The following TMEFF2 variants were observed in gnomAD, a reference collection of about 807,000 sequenced individuals.
The protein encoded by TMEFF2 is transmembrane protein with EGF like and two follistatin like domains 2.
In TMEFF2, 28 loss-of-function variants were observed where a neutral mutation model predicts 53.8. The ratio of observed to expected loss-of-function variants is 0.52; its 90% confidence interval spans 0.39 to 0.71. The LOEUF (loss-of-function observed/expected upper bound fraction) is 0.71, where lower values mean the gene tolerates loss of function less well. Ranked by LOEUF, TMEFF2 falls within the 30% of genes least tolerant of loss-of-function variation. The pLI, the probability that TMEFF2 is intolerant of heterozygous loss-of-function variation, is 0.00. For synonymous variants in TMEFF2, 162 were observed against 166.3 expected (o/e 0.97, Z 0.20); for missense variants, 353 against 455.2 (o/e 0.78, Z 2.04).
intron 4 of TMEFF2, among the ~76,000 whole-genome samples, chr2:192,159,467 C>T (rs546726098): frequency 4.6e-5 from 7 of 152,190 alleles, no homozygotes; most frequent in South Asian, 2.1e-4. Context: ...GAACTGAATG[C>T]GCTAGTTTTG....
intron 7 of TMEFF2, among the ~76,000 whole-genome samples, chr2:191,977,157 A>G (rs1363471303): frequency 6.6e-6 from 1 of 152,252 alleles, no homozygotes; most frequent in Non-Finnish European, 1.5e-5. Context: ...AGCCAAAGAC[A>G]AAAGCAGAAG....
At chr2:192,038,412 A>T (rs1268135547) in intron 5 of TMEFF2, among the ~76,000 whole-genome samples, 1 of 152,220 alleles carries the variant, frequency 6.6e-6, no homozygotes, top group Non-Finnish European at 1.5e-5. Flanking sequence ...TGTAGTGCAC[A>T]AAGTAAGCAC....
At chr2:192,168,288 A>G (rs1574430646) in intron 4 of TMEFF2, among the ~76,000 whole-genome samples, 1 of 152,094 alleles carries the variant, frequency 6.6e-6, no homozygotes, top group East Asian at 1.9e-4. Context: ...TAAATTTACT[A>G]TCATTATAAC....
intron 2 of TMEFF2, among the ~76,000 whole-genome samples, chr2:192,188,830 TCTATCTATCTATCTA>T (rs1559164497): frequency 0.026 from 3,630 of 139,378 alleles, 97 homozygotes; most frequent in African/African-American, 0.029. Context: ...CGCTTTTCTA[TCTATCTATCTATCTA>T]TCTATCTATC....
intron 5 of TMEFF2, among the ~76,000 whole-genome samples, chr2:192,038,212 C>T (rs548840104): frequency 6.6e-6 from 1 of 152,180 alleles, no homozygotes; most frequent in Non-Finnish European, 1.5e-5. Context: ...GTTGACAGAA[C>T]AGGTAAGAGT....
intron 4 of TMEFF2, among the ~76,000 whole-genome samples, chr2:192,073,101 A>C (rs1688328664): frequency 1.3e-5 from 2 of 151,986 alleles, no homozygotes. Context: ...CTTTACTCTT[A>C]AGAGGGTCAG....
intron 5 of TMEFF2, among the ~76,000 whole-genome samples, chr2:192,047,807 GTGTC>G (rs746093723): frequency 6.6e-6 from 1 of 152,140 alleles, no homozygotes; most frequent in Non-Finnish European, 1.5e-5. Context: ...GTAGGGAAAT[GTGTC>G]TGGAACAGAC....
Position 192,194,420 on chromosome 2 carries a change from C to A in TMEFF2, c.105G>T (p.Pro35=), listed in dbSNP as rs1691553572. Residue 35 remains proline (P), a synonymous_variant, in exon 1 of 10, where the codon CCG becomes CCT. Coordinates refer to ENST00000272771, the MANE Select transcript of TMEFF2 (RefSeq NM_016192.4). The surrounding 1 kb of genome is among the most constrained non-coding windows in gnomAD (Gnocchi z 4.2). ...LPVMLLIVAR[P]VKLAAFPTSL... ...AGGTAGGGAAAGCAGCGAGCTTCAC[C>A]GGGCGGGCTACGATGAGTAGCATGA... 6.2e-7 allele frequency: 1 copy of A among 1,614,068 alleles called. No homozygotes were observed. The highest frequency in any genetic ancestry group is 8.5e-7 in the Non-Finnish European group (1 of 1,180,008).
At chr2:191,965,409 G>GT (rs1245819542) in intron 7 of TMEFF2, among the ~76,000 whole-genome samples, 1 of 152,068 alleles carries the variant, frequency 6.6e-6, no homozygotes, top group African/African-American at 2.4e-5. Flanking sequence ...ACTCACTAAA[G>GT]TCAGACCATA....
chr2:192,123,570 C>A (rs1045990507), intron 4 of TMEFF2, among the ~76,000 whole-genome samples: 4 of 152,120 alleles, frequency 2.6e-5, no homozygotes, highest in Non-Finnish European at 5.9e-5. Context: ...ATTATATTTA[C>A]TATTAGCAAA....
At chr2:192,124,657 T>C (rs1559136596) in intron 4 of TMEFF2, among the ~76,000 whole-genome samples, 1 of 152,192 alleles carries the variant, frequency 6.6e-6, no homozygotes, top group Non-Finnish European at 1.5e-5. Flanking sequence ...GACTGTACAC[T>C]TATAAAAAAT....
chr2:192,050,786 T>G (rs1299730274), intron 5 of TMEFF2, among the ~76,000 whole-genome samples: 1 of 152,216 alleles, frequency 6.6e-6, no homozygotes, highest in Non-Finnish European at 1.5e-5. Flanking sequence ...TATAAGCTGT[T>G]TATTTTCTTG....
chr2:192,089,305 G>A (rs1480439011), intron 4 of TMEFF2, among the ~76,000 whole-genome samples: 1 of 150,202 alleles, frequency 6.7e-6, no homozygotes, highest in Non-Finnish European at 1.5e-5. Flanking sequence ...TTTGATAGAA[G>A]AATTAGGTAA....
At chr2:192,186,298 A>G (rs373651393) in intron 2 of TMEFF2, among the ~76,000 whole-genome samples, 1 of 152,180 alleles carries the variant, frequency 6.6e-6, no homozygotes, top group African/African-American at 2.4e-5. Context: ...AGGCCTGAGC[A>G]TCTCCACTAC....
intron 5 of TMEFF2, among the ~76,000 whole-genome samples, chr2:192,050,012 CAAAA>C (rs1378558612): frequency 6.6e-6 from 1 of 151,670 alleles, no homozygotes; most frequent in Admixed American, 6.6e-5. Flanking sequence ...AACAAACAAA[CAAAA>C]AAAGCAAGTA....
intron 3 of TMEFF2, 107 bp downstream of exon 3, chr2:192,184,247 G>GTCAACA: frequency 5.1e-6 from 7 of 1,369,008 alleles, no homozygotes; most frequent in Non-Finnish European, 7.0e-6. Context: ...GGCTTGTCTA[G>GTCAACA]TCAACATATA....
chr2:191,999,807 C>A (rs1686312776), intron 5 of TMEFF2, among the ~76,000 whole-genome samples: 1 of 152,002 alleles, frequency 6.6e-6, no homozygotes, highest in South Asian at 2.1e-4. Flanking sequence ...ATAGATCTCT[C>A]CCCAGAAATA....
rs940863606 is a variant in TMEFF2 at position 192,186,752 on chromosome 2, C to A, written c.283-2269G>T. On this transcript the variant is annotated intron_variant, in intron 2 of 9. Coordinates refer to ENST00000272771, the MANE Select transcript of TMEFF2 (RefSeq NM_016192.4). ...ACTTTGTATGTAGATTATTTGGGTC[C>A]GTGTTTTCTTCTCTCCGATCCTTAA... is the stretch of plus-strand genomic sequence containing the variant. Among the ~76,000 whole-genome samples the A allele has an allele frequency of 2.0e-5, 3 of 152,072 alleles. No individual in the cohort carries two copies. The East Asian group carries it at 5.8e-4, about 29-fold the overall frequency.
intron 4 of TMEFF2, among the ~76,000 whole-genome samples, chr2:192,137,451 C>CAGAG (rs750422802): frequency 6.6e-6 from 1 of 152,136 alleles, no homozygotes; most frequent in Non-Finnish European, 1.5e-5. Context: ...AGTAACATTA[C>CAGAG]AGAGAGCCTC....
Sources: allele counts gnomAD v4.1 joint callset (sites outside exome capture counted in the v4.1 genomes callset), GRCh38; gene constraint gnomAD v4.1.1; non-coding constraint Gnocchi (gnomAD v3.1); transcripts MANE v1.5; gene names NCBI Gene and HGNC (gene_info 2026-07-23, HGNC 2026-07-21).